RAB5A: variants seen among roughly 807,000 people sequenced by gnomAD.
RAB5A encodes the protein ras-related protein Rab-5A.
A neutral mutation model predicts 25.7 loss-of-function variants in RAB5A; 8 were observed. The observed-to-expected ratio is 0.31, with a 90% confidence interval of 0.18 to 0.56. RAB5A has a LOEUF of 0.56. Among genes scored for constraint, RAB5A ranks in the 20% least tolerant of loss-of-function variants. The pLI is 0.91. For missense variants in RAB5A, 192 were observed against 259.7 expected, an observed-to-expected ratio of 0.74 and a Z score of 1.79; for synonymous variants, 98 against 89.8, an observed-to-expected ratio of 1.09 and a Z score of -0.52.
intron 1 of RAB5A, among the ~76,000 whole-genome samples, chr3:19,949,953 G>A (rs1696399205): frequency 6.6e-6 from 1 of 152,170 alleles, no homozygotes; most frequent in South Asian, 2.1e-4. Context: ...CAGGAGGATT[G>A]CTTGAGCCCA....
chr3:19,948,173 T>C (rs1215750605), intron 1 of RAB5A, among the ~76,000 whole-genome samples: 1 of 152,202 alleles, frequency 6.6e-6, no homozygotes, highest in Non-Finnish European at 1.5e-5. Flanking sequence ...ACCATGGAAC[T>C]TGCTCTGGCG....
chr3:19,972,185 G>T lies in RAB5A; in HGVS notation c.164-3416G>T, dbSNP rs1055993198. On this transcript the variant is annotated intron_variant, in intron 2 of 5. Transcript: ENST00000273047. ...ATGCACAAAATTATTTTAGCTTCAG[G>T]CTATGTGTACAAGCTTTATGTGAAA... Among the ~76,000 whole-genome samples, 3 of 152,130 alleles carry T rather than the reference G, an allele frequency of 2.0e-5. No individual in the cohort carries two copies. In the East Asian group the frequency reaches 5.8e-4, roughly 29 times the overall value.
intron 2 of RAB5A, 142 bp downstream of exon 2, chr3:19,951,203 A>G: frequency 1.1e-6 from 1 of 890,684 alleles, no homozygotes; most frequent in Non-Finnish European, 1.6e-6. Flanking sequence ...CTTAGCTTTA[A>G]AACTTGCCTT....
At chr3:19,969,295 C>T (rs886615108) in intron 2 of RAB5A, among the ~76,000 whole-genome samples, 4 of 152,004 alleles carry the variant, frequency 2.6e-5, no homozygotes, top group Admixed American at 1.3e-4. Context: ...CCACCTGCCT[C>T]GGCCTCCTAA....
chr3:19,955,547 A>G (rs1696486955), intron 2 of RAB5A, among the ~76,000 whole-genome samples: 1 of 152,212 alleles, frequency 6.6e-6, no homozygotes. Flanking sequence ...TGATTCACCC[A>G]TACATGGAAT....
At chr3:19,969,044 GGTT>G (rs1241440020) in intron 2 of RAB5A, among the ~76,000 whole-genome samples, 2 of 65,554 alleles carry the variant, frequency 3.1e-5, no homozygotes, top group African/African-American at 8.3e-5. Flanking sequence ...TTTTTTTTTT[GGTT>G]TTTTTTTTTT....
At chr3:19,978,597 A>T (rs113974247) in intron 5 of RAB5A, 194 bp downstream of exon 5, 8 of 499,072 alleles carry the variant, frequency 1.6e-5, no homozygotes, top group African/African-American at 1.2e-4. Context: ...TGTTGGTAAT[A>T]TTGTTAAATT....
intron 1 of RAB5A, 162 bp downstream of exon 1, chr3:19,947,683 T>G (rs1696343176): frequency 6.6e-6 from 1 of 152,432 alleles, no homozygotes; most frequent in African/African-American, 2.4e-5. Context: ...CGGCGTCTTG[T>G]TCTGCCAGCC....
intron 5 of RAB5A, among the ~76,000 whole-genome samples, chr3:19,980,543 A>T (rs947625843): frequency 2.6e-5 from 4 of 151,982 alleles, no homozygotes; most frequent in Admixed American, 6.6e-5. Flanking sequence ...CAATGCAAGG[A>T]CTAAAAAGTT....
At chr3:19,964,616 ATTAAT>A (rs1163674578) in intron 2 of RAB5A, among the ~76,000 whole-genome samples, 1 of 152,146 alleles carries the variant, frequency 6.6e-6, no homozygotes, top group Non-Finnish European at 1.5e-5. Flanking sequence ...AACTCCTAAG[ATTAAT>A]TTAATTTTAT....
intron 1 of RAB5A, 125 bp from the exon 2 acceptor site, chr3:19,950,681 A>T: frequency 2.4e-6 from 1 of 415,622 alleles, no homozygotes; most frequent in Non-Finnish European, 4.3e-6. Flanking sequence ...ATAGTGACAT[A>T]ATCTAAAGGG....
intron 2 of RAB5A, among the ~76,000 whole-genome samples, chr3:19,975,296 G>C (rs1458188498): frequency 6.6e-6 from 1 of 151,756 alleles, no homozygotes; most frequent in African/African-American, 2.4e-5. Flanking sequence ...TTAAGATGCA[G>C]AAGTTTTTCA....
At chr3:19,957,236 G>A (rs1030288318) in intron 2 of RAB5A, among the ~76,000 whole-genome samples, 1 of 152,026 alleles carries the variant, frequency 6.6e-6, no homozygotes, top group Non-Finnish European at 1.5e-5. Context: ...GCCCAACTGT[G>A]TTATTTGTGG....
intron 2 of RAB5A, among the ~76,000 whole-genome samples, chr3:19,975,309 C>T (rs1696807558): frequency 2.0e-5 from 3 of 151,602 alleles, no homozygotes. Flanking sequence ...GTTTTTCAAT[C>T]TGTGATTTCA....
rs1696976974 is a variant in RAB5A at position 19,983,696 on chromosome 3, A to AT, written c.533-8dup. The AT allele has an allele frequency of 6.6e-7, 1 of 1,525,514 alleles. No individual in the cohort carries two copies. The highest frequency in any genetic ancestry group is 9.0e-7 in the Non-Finnish European group (1 of 1,105,576). The allele number at this position is 1,525,514 out of a possible 1,614,324, so 94.5% of individuals were successfully genotyped here. ...ATTCAAATATTCTATTTATTTGATCATTTTCTTTCAGCTAAAAAATTGCCA... is the reference window on the plus strand; with the variant it reads ...ATTCAAATATTCTATTTATTTGATCATTTTTCTTTCAGCTAAAAAATTGCCA... On this transcript the variant is annotated splice_polypyrimidine_tract_variant and intron_variant, in intron 5 of 5. Transcript: ENST00000273047.
intron 2 of RAB5A, 151 bp from the exon 3 acceptor site, chr3:19,975,444 TCCCCCC>T: frequency 1.6e-6 from 1 of 617,774 alleles, no homozygotes; most frequent in Middle Eastern, 4.7e-4. Context: ...TCTTTTTTTT[TCCCCCC>T]TCATTTATTA....
chr3:19,975,320 C>G (rs1258766850), intron 2 of RAB5A, among the ~76,000 whole-genome samples: 1 of 151,844 alleles, frequency 6.6e-6, no homozygotes, highest in Non-Finnish European at 1.5e-5. Context: ...TGTGATTTCA[C>G]TACAAAGGCC....
chr3:19,975,882 A>C, intron 3 of RAB5A, 130 bp downstream of exon 3: 1 of 1,327,248 alleles, frequency 7.5e-7, no homozygotes, highest in Non-Finnish European at 1.0e-6. Context: ...TTTGTGAATT[A>C]GAAAATCTGG....
chr3:19,951,701 G>GTTTTTTTTGTTTTTTTTTTTTTTTT (rs1553638047), intron 2 of RAB5A, among the ~76,000 whole-genome samples: 2 of 99,014 alleles, frequency 2.0e-5, no homozygotes, highest in African/African-American at 8.2e-5. Context: ...TGCCAGGCAA[G>GTTTTTTTTGTTTTTTTTTTTTTTTT]TTTTTTTTTT....
Sources: allele counts gnomAD v4.1 joint callset (sites outside exome capture counted in the v4.1 genomes callset), GRCh38; gene constraint gnomAD v4.1.1; transcripts MANE v1.5; gene names NCBI Gene and HGNC (gene_info 2026-07-23, HGNC 2026-07-21).